TBC1D19: variants seen among roughly 807,000 people sequenced by gnomAD.
The protein encoded by TBC1D19 is TBC1 domain family member 19.
Under a neutral mutation model 89.0 loss-of-function variants are expected in TBC1D19, and 60 were observed. The ratio of observed to expected loss-of-function variants is 0.67; its 90% CI spans 0.55 to 0.84. The LOEUF (loss-of-function observed/expected upper bound fraction) is 0.84, where lower values mean the gene tolerates loss of function less well. Among genes scored for constraint, TBC1D19 ranks in the 40% least tolerant of loss-of-function variants. TBC1D19 has a pLI of 0.00. For missense variants in TBC1D19, 500 were observed against 610.8 expected, an observed-to-expected ratio of 0.82 and a Z score of 1.91; for synonymous variants, 189 against 199.7, an observed-to-expected ratio of 0.95 and a Z score of 0.45.
At chr4:26,651,870 A>C (rs1015091555) in intron 7 of TBC1D19, among the ~76,000 whole-genome samples, 7 of 152,054 alleles carry the variant, frequency 4.6e-5, no homozygotes, top group Non-Finnish European at 1.0e-4. Flanking sequence ...AGCTCTTATT[A>C]TTTTGAGATA....
chr4:26,629,144 C>G (rs1181342798), intron 4 of TBC1D19, among the ~76,000 whole-genome samples: 3 of 152,042 alleles, frequency 2.0e-5, no homozygotes, highest in Admixed American at 2.0e-4. Context: ...GCTTATGCCA[C>G]TGCGTCTATT....
the TBC1D19 span, among the ~76,000 whole-genome samples, chr4:26,770,494 G>A: frequency 6.6e-6 from 1 of 151,952 alleles, no homozygotes; most frequent in Non-Finnish European, 1.5e-5. Flanking sequence ...TGAGTAAGTA[G>A]AAAAATCTAT....
intron 1 of TBC1D19, chr4:26,576,961 G>A: frequency 2.4e-6 from 1 of 413,046 alleles, no homozygotes; most frequent in East Asian, 7.2e-5. Context: ...TATTTTTGTA[G>A]ATGTGAAAAA....
chr4:26,588,803 T>C (rs1200823544), intron 1 of TBC1D19, among the ~76,000 whole-genome samples: 2 of 152,242 alleles, frequency 1.3e-5, no homozygotes, highest in Admixed American at 1.3e-4. Flanking sequence ...GAATATGTTT[T>C]ATCTTGTTTG....
chr4:26,581,208 A>G (rs1038587330), upstream of TBC1D19, among the ~76,000 whole-genome samples: 4 of 152,140 alleles, frequency 2.6e-5, no homozygotes, highest in African/African-American at 9.7e-5. Context: ...TTTCTTTTTT[A>G]AAAAATTTAT....
At position 26,720,083 on chromosome 4, in the gene TBC1D19, A is replaced by G; in HGVS notation, c.1042A>G (p.Lys348Glu). The G allele has an allele frequency of 1.2e-6, 2 of 1,601,106 alleles. No homozygotes were observed. The highest frequency in any genetic ancestry group is 8.5e-7 in the Non-Finnish European group (1 of 1,173,600). ...ASPPKSYIRG[K>E]LGLEEYAVFY... ...TCCTCTATGGTTTTCTCTTATAGGA[A>G]AACTAGGACTGGAAGAATATGCTGT... The change falls in exon 15 of 21, where the codon AAA (lysine) becomes GAA (glutamate). Residue 348 changes from lysine (K) to glutamate (E), a missense_variant and splice_region_variant. Lys to Glu is a moderately conservative substitution (Grantham distance 56, BLOSUM62 1). Coordinates refer to ENST00000264866, the MANE Select transcript of TBC1D19 (RefSeq NM_018317.4).
At chr4:26,581,987 T>C (rs115476396), upstream of TBC1D19, among the ~76,000 whole-genome samples, 1,469 of 152,040 alleles carry the variant, frequency 9.7e-3, 25 homozygotes, top group African/African-American at 0.033. Flanking sequence ...TTTTTTTTTT[T>C]GCTTGGACAT....
In TBC1D19 at chr4:26,673,908, G is replaced by A. The variant is rs769737538; in HGVS notation, c.816+20G>A. The A allele has an allele frequency of 1.4e-6, 2 of 1,460,304 alleles. No homozygotes were observed. The highest frequency in any genetic ancestry group is 2.3e-5 in the East Asian group (1 of 42,968). 90.5% of individuals were successfully genotyped at this position (1,460,304 alleles called of 1,614,324 possible). On this transcript the variant is annotated intron_variant, in intron 11 of 20. Coordinates refer to ENST00000264866, the MANE Select transcript of TBC1D19 (RefSeq NM_018317.4). Reference sequence around the variant, plus strand: ...CCTGAGGTAAGAAGAAAAAAAGGGTGGGTCAGATTTTAGCTTTGGGGTATT... The same window carrying A: ...CCTGAGGTAAGAAGAAAAAAAGGGTAGGTCAGATTTTAGCTTTGGGGTATT...
downstream of TBC1D19, among the ~76,000 whole-genome samples, chr4:26,756,669 C>T (rs1460681897): frequency 6.6e-6 from 1 of 152,116 alleles, no homozygotes; most frequent in African/African-American, 2.4e-5. Flanking sequence ...TTTTAAACTG[C>T]AAAGCACCAA....
chr4:26,805,979 A>C, the TBC1D19 span, among the ~76,000 whole-genome samples: 1 of 151,622 alleles, frequency 6.6e-6, no homozygotes, highest in Non-Finnish European at 1.5e-5. Context: ...TCAAAAAAAA[A>C]GGGAAAGAAA....
chr4:26,684,921 C>T (rs1327381657), intron 12 of TBC1D19, among the ~76,000 whole-genome samples: 2 of 152,118 alleles, frequency 1.3e-5, no homozygotes, highest in African/African-American at 4.8e-5. Flanking sequence ...TTAGGCTATG[C>T]ATTATAAATG....
chr4:26,633,998 T>C (rs1211311903), intron 4 of TBC1D19, among the ~76,000 whole-genome samples: 1 of 152,070 alleles, frequency 6.6e-6, no homozygotes, highest in Non-Finnish European at 1.5e-5. Context: ...ATTTGGAGTC[T>C]ATGGGTATGC....
At chr4:26,669,519 G>T (rs1712103233) in intron 9 of TBC1D19, among the ~76,000 whole-genome samples, 1 of 151,760 alleles carries the variant, frequency 6.6e-6, no homozygotes, top group Non-Finnish European at 1.5e-5. Flanking sequence ...GTAAGTTGGA[G>T]ATTTTGGTTC....
chr4:26,792,479 A>G, the TBC1D19 span, among the ~76,000 whole-genome samples: 1 of 152,172 alleles, frequency 6.6e-6, no homozygotes, highest in Non-Finnish European at 1.5e-5. Flanking sequence ...GAGTTTTGCT[A>G]TAAAGGAATC....
intron 4 of TBC1D19, among the ~76,000 whole-genome samples, chr4:26,623,842 T>C (rs1264220097): frequency 6.6e-6 from 1 of 152,196 alleles, no homozygotes; most frequent in Non-Finnish European, 1.5e-5. Flanking sequence ...TTAGACATTG[T>C]GCTTTAATTC....
intron 8 of TBC1D19, among the ~76,000 whole-genome samples, chr4:26,662,563 G>T (rs1367885204): frequency 6.6e-6 from 1 of 152,190 alleles, no homozygotes; most frequent in Non-Finnish European, 1.5e-5. Flanking sequence ...TGGCTGTCCA[G>T]TGAAAAGGCT....
the TBC1D19 span, among the ~76,000 whole-genome samples, chr4:26,825,049 G>A: frequency 6.6e-6 from 1 of 151,816 alleles, no homozygotes; most frequent in African/African-American, 2.4e-5. Flanking sequence ...TATGTTTGTT[G>A]GCTATCTATA....
intron 20 of TBC1D19, among the ~76,000 whole-genome samples, chr4:26,754,545 A>G (rs1578022749): frequency 6.6e-6 from 1 of 152,236 alleles, no homozygotes; most frequent in Admixed American, 6.5e-5. Context: ...TACTACTTAC[A>G]CTAGAATAAC....
intron 7 of TBC1D19, 102 bp downstream of exon 7, chr4:26,640,289 C>T: frequency 1.1e-6 from 1 of 933,324 alleles, no homozygotes; most frequent in African/African-American, 1.7e-5. Flanking sequence ...ATGTAAAAAG[C>T]CCCAGAGTCA....
Sources: allele counts gnomAD v4.1 joint callset (sites outside exome capture counted in the v4.1 genomes callset), GRCh38; gene constraint gnomAD v4.1.1; transcripts MANE v1.5; gene names NCBI Gene and HGNC (gene_info 2026-07-23, HGNC 2026-07-21).